EIPR1: variants seen among roughly 807,000 people sequenced by gnomAD.
EIPR1 encodes EARP complex and GARP complex interacting protein 1, also known as EARP and GARP complex-interacting protein 1.
A neutral mutation model predicts 48.1 loss-of-function variants in EIPR1; 25 were observed. That is an observed-to-expected ratio of 0.52 (90% CI 0.38 to 0.73). The LOEUF (loss-of-function observed/expected upper bound fraction) is 0.73. EIPR1 is among the 30% of genes least tolerant of loss of function. The pLI, the probability that EIPR1 is intolerant of heterozygous loss-of-function variation, is 0.00. For missense variants in EIPR1, 415 were observed against 506.2 expected (o/e 0.82, Z 1.73); for synonymous variants, 204 against 201.9 (o/e 1.01, Z -0.09).
intron 2 of EIPR1, among the ~76,000 whole-genome samples, chr2:3,338,419 A>C (rs1347115676): frequency 6.6e-6 from 1 of 152,228 alleles, no homozygotes; most frequent in Non-Finnish European, 1.5e-5. Context: ...TAAAGAAATA[A>C]GGCACCAAAC....
At chr2:3,300,256 T>C (rs1032528555) in intron 3 of EIPR1, among the ~76,000 whole-genome samples, 2 of 152,272 alleles carry the variant, frequency 1.3e-5, no homozygotes, top group Admixed American at 1.3e-4. Flanking sequence ...AAATTCTATT[T>C]GGTCCATTAA....
rs1220691883 is a variant in EIPR1, at chr2:3,269,389, GCACT to G, written c.260-11938_260-11935del. Among the ~76,000 whole-genome samples, 13 of 131,182 alleles carry G rather than the reference GCACT, an allele frequency of 9.9e-5. 2 individuals carry two copies. The highest frequency in any genetic ancestry group is 4.0e-4 in the African/African-American group (13 of 32,400). 86.1% of individuals were successfully genotyped at this position (131,182 alleles called of 152,430 possible). A position where few individuals can be genotyped will look rare whatever the true frequency, so the allele number is the denominator to read the frequency against. On this transcript the variant is annotated intron_variant, in intron 3 of 8. Transcript: ENST00000382125. ...CACTCAATCATCGCACTCAGTCATCGCACTCAGTCATCGCACTCAATCATCGCAC... is the reference window on the plus strand; with the variant it reads ...CACTCAATCATCGCACTCAGTCATCGCAGTCATCGCACTCAATCATCGCAC...
chr2:3,189,518 AAC>A lies in EIPR1; in HGVS notation c.990-12_990-11del. 6.5e-7 allele frequency: 1 copy of A among 1,546,158 alleles called. No homozygotes were observed. Among genetic ancestry groups the A allele is most frequent in the Non-Finnish European group, 8.8e-7 (1 of 1,136,000 alleles). ...CAGGGGCTCCTTGCTCCTGCAATGCAACAGAGGCAGACGTGAGCGCAGCAGCT... is the reference window on the plus strand; with the variant it reads ...CAGGGGCTCCTTGCTCCTGCAATGCAAGAGGCAGACGTGAGCGCAGCAGCT... On this transcript the variant is annotated splice_polypyrimidine_tract_variant and intron_variant, in intron 8 of 8. Coordinates refer to ENST00000382125, the MANE Select transcript of EIPR1 (RefSeq NM_003310.5). This position sits in a 1 kb window ranked among gnomAD's most constrained non-coding sequence, Gnocchi z 4.6.
chr2:3,204,632 A>C (rs890725301), intron 5 of EIPR1, among the ~76,000 whole-genome samples: 2 of 152,258 alleles, frequency 1.3e-5, no homozygotes, highest in African/African-American at 4.8e-5. Flanking sequence ...AATGTGAACA[A>C]AAGAATACAC....
At chr2:3,195,537 T>A (rs951116705) in intron 6 of EIPR1, among the ~76,000 whole-genome samples, 1 of 152,248 alleles carries the variant, frequency 6.6e-6, no homozygotes, top group African/African-American at 2.4e-5. Flanking sequence ...AATATCTTAA[T>A]ATTTCTTCCC....
intron 3 of EIPR1, among the ~76,000 whole-genome samples, chr2:3,287,200 G>A (rs983371522): frequency 7.2e-5 from 11 of 151,938 alleles, no homozygotes; most frequent in African/African-American, 1.9e-4. Context: ...CAGAAAGTTC[G>A]TTCACCACGC....
At chr2:3,311,817 C>T (rs575870061) in intron 3 of EIPR1, among the ~76,000 whole-genome samples, 43 of 150,332 alleles carry the variant, frequency 2.9e-4, no homozygotes, top group African/African-American at 9.8e-4. Flanking sequence ...GGCGGGGGGG[C>T]TCTACTCTGG....
At chr2:3,217,981 G>A (rs370053793) in intron 4 of EIPR1, among the ~76,000 whole-genome samples, 16 of 152,230 alleles carry the variant, frequency 1.1e-4, no homozygotes, top group African/African-American at 2.4e-4. Context: ...GCATGGCCCT[G>A]GTACACTCTA....
intron 7 of EIPR1, among the ~76,000 whole-genome samples, chr2:3,193,267 T>C (rs534780969): frequency 5.3e-4 from 81 of 152,364 alleles, no homozygotes; most frequent in Non-Finnish European, 1.0e-3. Context: ...TCCGGGGTTT[T>C]AACATACAGC....
rs533322803 is a variant in EIPR1, at chr2:3,208,449, C to T, written c.516+5700G>A. Reference sequence around the variant, plus strand: ...CTTCAGACACTTCCTCTGCTTCCGTCGTTAGCTTTCCTCTTCTCATCTGTC... The same window carrying T: ...CTTCAGACACTTCCTCTGCTTCCGTTGTTAGCTTTCCTCTTCTCATCTGTC... On this transcript the variant is annotated intron_variant, in intron 5 of 8. Transcript: ENST00000382125. 85 of 1,486,584 alleles carry T rather than the reference C, an allele frequency of 5.7e-5. 1 individual carries two copies. The highest frequency in any genetic ancestry group is 2.3e-4 in the South Asian group (17 of 72,946). The allele number at this position is 1,486,584 out of a possible 1,614,324, so 92.1% of individuals were successfully genotyped here.
At chr2:3,288,228 C>T (rs1668266196) in intron 3 of EIPR1, among the ~76,000 whole-genome samples, 1 of 152,230 alleles carries the variant, frequency 6.6e-6, no homozygotes, top group Non-Finnish European at 1.5e-5. Context: ...TGTGCTATTT[C>T]CAAGCCCTGC....
chr2:3,247,064 A>AGAGC (rs1443571169), intron 4 of EIPR1, among the ~76,000 whole-genome samples: 3 of 4,296 alleles, frequency 7.0e-4, no homozygotes, highest in Non-Finnish European at 1.3e-3. Context: ...AGGGAGGGAG[A>AGAGC]GAGGGAGGGA....
At chr2:3,190,212 G>A (rs1331561869) in intron 8 of EIPR1, among the ~76,000 whole-genome samples, 2 of 152,230 alleles carry the variant, frequency 1.3e-5, no homozygotes, top group African/African-American at 4.8e-5. Context: ...GCGTGCATGG[G>A]GAGGGGGCCC....
intron 3 of EIPR1, among the ~76,000 whole-genome samples, chr2:3,307,047 C>T (rs1239913444): frequency 1.3e-5 from 2 of 151,850 alleles, no homozygotes; most frequent in African/African-American, 4.8e-5. Context: ...ACTGCAACCT[C>T]CCCCTCCTGG....
chr2:3,305,205 C>A (rs1212508604), intron 3 of EIPR1, among the ~76,000 whole-genome samples: 1 of 143,652 alleles, frequency 7.0e-6, no homozygotes, highest in African/African-American at 2.6e-5. Context: ...ACCTTCCACT[C>A]CCGTCCTGTT....
intron 4 of EIPR1, among the ~76,000 whole-genome samples, chr2:3,226,029 C>T (rs2103157566): frequency 6.6e-6 from 1 of 152,306 alleles, no homozygotes; most frequent in East Asian, 1.9e-4. Context: ...TTTCTTTATC[C>T]CTTCATCTGT....
At chr2:3,287,835 C>T (rs1292151680) in intron 3 of EIPR1, among the ~76,000 whole-genome samples, 2 of 152,228 alleles carry the variant, frequency 1.3e-5, no homozygotes, top group Non-Finnish European at 2.9e-5. Flanking sequence ...CTCCAGAAAG[C>T]TCATTCACCA....
chr2:3,189,376 G>A lies in EIPR1; in HGVS notation c.1122C>T (p.Ile374=), dbSNP rs1418004313. 6.2e-7 allele frequency: 1 copy of A among 1,602,754 alleles called. No homozygotes were observed. The highest frequency in any genetic ancestry group is 1.7e-5 in the Admixed American group (1 of 59,464). ...ASLSYDGRLV[I]NRVPRALKYH... ...ACTTCAGGGCCCTGGGCACCCTGTT[G>A]ATCACGAGCCTCCCGTCATAGCTCA... is the stretch of plus-strand genomic sequence containing the variant. The change falls in exon 9 of 9, where the codon ATC becomes ATT. Residue 374 remains isoleucine, a synonymous_variant. Coordinates refer to ENST00000382125, the MANE Select transcript of EIPR1 (RefSeq NM_003310.5). The surrounding 1 kb of genome is among the most constrained non-coding windows in gnomAD (Gnocchi z 4.6).
chr2:3,314,054 CCCGGGGAGCAACAT>C (rs753134479), intron 3 of EIPR1, among the ~76,000 whole-genome samples: 18 of 152,330 alleles, frequency 1.2e-4, no homozygotes, highest in Non-Finnish European at 2.4e-4. Flanking sequence ...GAGAGCACCA[CCCGGGGAGCAACAT>C]CGGCGGATGC....
Sources: allele counts gnomAD v4.1 joint callset (sites outside exome capture counted in the v4.1 genomes callset), GRCh38; gene constraint gnomAD v4.1.1; non-coding constraint Gnocchi (gnomAD v3.1); transcripts MANE v1.5; gene names NCBI Gene and HGNC (gene_info 2026-07-23, HGNC 2026-07-21).